NPFFR2: variants seen among roughly 807,000 people sequenced by gnomAD.
The protein encoded by NPFFR2 is G-protein coupled receptor 74.
NPFFR2 carries 15 observed loss-of-function variants against 13.1 expected under a neutral mutation model. The observed-to-expected ratio is 1.15, with a 90% CI of 0.77 to 1.76. NPFFR2 has a LOEUF of 1.76. Among genes scored for constraint, NPFFR2 ranks in the 40% most tolerant of loss-of-function variants. NPFFR2 has a pLI of 0.00. For synonymous variants in NPFFR2, 190 were observed against 175.7 expected (o/e 1.08, Z -0.65); for missense variants, 572 against 503.5 (o/e 1.14, Z -1.30).
intron 1 of NPFFR2, among the ~76,000 whole-genome samples, chr4:72,099,992 A>G (rs1721194474): frequency 6.6e-6 from 1 of 152,148 alleles, no homozygotes; most frequent in East Asian, 1.9e-4. Context: ...TTTCATCTCT[A>G]AAAATCATTT....
At chr4:72,120,092 G>A (rs2109826861) in intron 1 of NPFFR2, among the ~76,000 whole-genome samples, 1 of 152,278 alleles carries the variant, frequency 6.6e-6, no homozygotes, top group East Asian at 1.9e-4. Context: ...AGCTTAGTGG[G>A]GGGAGGGACG....
chr4:72,036,364 A>G (rs1719037687), intron 1 of NPFFR2, among the ~76,000 whole-genome samples: 1 of 152,106 alleles, frequency 6.6e-6, no homozygotes, highest in East Asian at 1.9e-4. Context: ...CATGAAAGCT[A>G]TATACCTAGG....
At chr4:72,127,629 C>G (rs1252021684) in intron 1 of NPFFR2, among the ~76,000 whole-genome samples, 1 of 151,116 alleles carries the variant, frequency 6.6e-6, no homozygotes, top group African/African-American at 2.4e-5. Flanking sequence ...TCCCAAAGTG[C>G]TGGGATTACA....
chr4:72,052,610 A>T (rs939299637), intron 1 of NPFFR2, among the ~76,000 whole-genome samples: 1 of 151,512 alleles, frequency 6.6e-6, no homozygotes, highest in Non-Finnish European at 1.5e-5. Context: ...TTCTCACACC[A>T]CTCCTATTCT....
At chr4:72,077,127 G>T (rs2109789611) in intron 1 of NPFFR2, among the ~76,000 whole-genome samples, 1 of 152,080 alleles carries the variant, frequency 6.6e-6, no homozygotes, top group East Asian at 1.9e-4. Context: ...TATGTTCATT[G>T]GTTTCCATTT....
chr4:72,110,358 A>G (rs545271620), intron 1 of NPFFR2, among the ~76,000 whole-genome samples: 2 of 152,068 alleles, frequency 1.3e-5, no homozygotes, highest in South Asian at 4.1e-4. Context: ...TCTTTCCTTT[A>G]TAAATTACCC....
At chr4:72,141,812 A>G (rs919896974) in intron 3 of NPFFR2, among the ~76,000 whole-genome samples, 2 of 152,116 alleles carry the variant, frequency 1.3e-5, no homozygotes, top group East Asian at 1.9e-4. Flanking sequence ...CCTGGATATC[A>G]TTGTTAACAT....
intron 1 of NPFFR2, among the ~76,000 whole-genome samples, chr4:72,120,895 T>A (rs1164805841): frequency 6.6e-6 from 1 of 152,036 alleles, no homozygotes; most frequent in Non-Finnish European, 1.5e-5. Flanking sequence ...GGATGGAGAA[T>A]GAGTTTGACA....
At chr4:72,136,733 G>A (rs78144527) in intron 2 of NPFFR2, among the ~76,000 whole-genome samples, 5,211 of 152,170 alleles carry the variant, frequency 0.034, 288 homozygotes, top group African/African-American at 0.12. Flanking sequence ...CATTACCCCC[G>A]CACCTGGTGA....
chr4:72,090,358 A>G (rs1018322741), intron 1 of NPFFR2, among the ~76,000 whole-genome samples: 3 of 152,038 alleles, frequency 2.0e-5, no homozygotes, highest in Non-Finnish European at 4.4e-5. Context: ...AGTTCTGTGA[A>G]GATTGATGAT....
intron 1 of NPFFR2, among the ~76,000 whole-genome samples, chr4:72,126,249 A>G (rs1722041199): frequency 6.6e-6 from 1 of 152,220 alleles, no homozygotes; most frequent in Non-Finnish European, 1.5e-5. Flanking sequence ...GAAATTAATA[A>G]AGTATCTTGT....
At chr4:72,047,745 G>A (rs1719418096) in intron 1 of NPFFR2, among the ~76,000 whole-genome samples, 1 of 152,094 alleles carries the variant, frequency 6.6e-6, no homozygotes, top group African/African-American at 2.4e-5. Flanking sequence ...AGAAATATAT[G>A]CGTATATGTT....
rs1433151676 is a variant in NPFFR2 at position 72,147,961 on chromosome 4, CA to C, written c.*154del. The C allele has an allele frequency of 5.2e-6, 3 of 577,324 alleles. No individual in the cohort carries two copies. The highest frequency in any genetic ancestry group is 8.8e-6 in the Non-Finnish European group (3 of 342,610). The allele number at this position is 577,324 out of a possible 1,614,324, so 35.8% of individuals were successfully genotyped here. On this transcript the variant is annotated 3_prime_UTR_variant, in exon 4 of 4. Transcript: ENST00000308744. The stretch of plus-strand genomic sequence containing the variant: ...CTCTGGCAAAAAAATTAAAAATAAA[CA>C]AAAATGGTCATAAGATCATAAACAA...
At chr4:72,139,623 G>A (rs1722532815) in intron 3 of NPFFR2, among the ~76,000 whole-genome samples, 2 of 152,212 alleles carry the variant, frequency 1.3e-5, no homozygotes, top group East Asian at 1.9e-4. Flanking sequence ...CTATCTCTCT[G>A]TTTTGATACC....
chr4:72,139,610 G>T (rs1033099440), intron 3 of NPFFR2, among the ~76,000 whole-genome samples: 1 of 152,068 alleles, frequency 6.6e-6, no homozygotes, highest in African/African-American at 2.4e-5. Context: ...CTGTTCCATT[G>T]GTCTATCTCT....
intron 1 of NPFFR2, among the ~76,000 whole-genome samples, chr4:72,045,996 T>A (rs992371572): frequency 6.6e-6 from 1 of 152,122 alleles, no homozygotes; most frequent in African/African-American, 2.4e-5. Context: ...AAGATGTTTA[T>A]TGCAGTATTA....
At chr4:72,123,378 C>T (rs1400647126) in intron 1 of NPFFR2, among the ~76,000 whole-genome samples, 1 of 152,092 alleles carries the variant, frequency 6.6e-6, no homozygotes, top group Admixed American at 6.6e-5. Flanking sequence ...CTCTTCCAAA[C>T]AATAGAAAAA....
intron 1 of NPFFR2, among the ~76,000 whole-genome samples, chr4:72,053,570 T>C (rs970572280): frequency 1.3e-5 from 2 of 151,932 alleles, no homozygotes; most frequent in Non-Finnish European, 2.9e-5. Context: ...TCAAGTACTT[T>C]AAAAAAATTT....
At chr4:72,136,250 C>G (rs1262958585) in intron 2 of NPFFR2, among the ~76,000 whole-genome samples, 1 of 152,010 alleles carries the variant, frequency 6.6e-6, no homozygotes, top group Non-Finnish European at 1.5e-5. Flanking sequence ...CCCAGCTACT[C>G]AGGAGCTTGA....
Sources: gnomAD v4.1 joint callset for allele counts (sites outside exome capture counted in the v4.1 genomes callset) on GRCh38, gnomAD v4.1.1 for gene constraint, MANE v1.5 for transcripts, NCBI Gene and HGNC (gene_info 2026-07-23, HGNC 2026-07-21) for gene names.